ENAH: variants seen among roughly 807,000 people sequenced by gnomAD.
ENAH encodes the protein protein enabled homolog.
A neutral mutation model predicts 78.7 loss-of-function variants in ENAH; 23 were observed. The ratio of observed to expected loss-of-function variants is 0.29; its 90% confidence interval spans 0.21 to 0.41. The LOEUF is 0.41. Ranked by LOEUF, ENAH falls within the 10% of genes least tolerant of loss-of-function variation. ENAH has a pLI of 1.00. For missense variants in ENAH, 544 were observed against 691.0 expected (o/e 0.79, Z 2.39); for synonymous variants, 226 against 241.0 (o/e 0.94, Z 0.58).
rs1397640265 is a variant in ENAH, at chr1:225,583,703, G to C, written c.6-16289C>G. Among the ~76,000 whole-genome samples, 5 of 151,762 alleles carry C rather than the reference G, an allele frequency of 3.3e-5. No homozygotes were observed. In the East Asian group the frequency reaches 9.7e-4, roughly 29 times the overall value. ...CATGCCTGTAATCTGAGCTACCTGG[G>C]AGGCTAAGTCAGGAGAATCACTTGT... On this transcript the variant is annotated intron_variant, in intron 1 of 13. Coordinates refer to ENST00000366843, the MANE Select transcript of ENAH (RefSeq NM_018212.6).
chr1:225,613,527 CAT>C (rs2097003891), intron 1 of ENAH, among the ~76,000 whole-genome samples: 1 of 152,062 alleles, frequency 6.6e-6, no homozygotes, highest in African/African-American at 2.4e-5. Flanking sequence ...GTAATAAGCA[CAT>C]ATTTTATTTT....
intron 3 of ENAH, among the ~76,000 whole-genome samples, chr1:225,531,670 T>C (rs957854812): frequency 1.3e-5 from 2 of 152,076 alleles, no homozygotes; most frequent in African/African-American, 2.4e-5. Context: ...GTAGACAACT[T>C]AGGAAAATAA....
At position 225,494,568 on chromosome 1, in the gene ENAH, G is replaced by C. The variant is rs1281527470; in HGVS notation, c.*3207C>G. Reference sequence around the variant, plus strand: ...GTTACTGTGTCAAGGTGGGCAGAGAGAAAATAAGAAGAGGGAACACCCAAC... The same window carrying C: ...GTTACTGTGTCAAGGTGGGCAGAGACAAAATAAGAAGAGGGAACACCCAAC... On this transcript the variant is annotated 3_prime_UTR_variant, in exon 14 of 14. Transcript: ENST00000366843. The C allele has an allele frequency of 6.6e-6, 1 of 152,056 alleles. No homozygotes were observed. Among genetic ancestry groups the C allele is most frequent in the Non-Finnish European group, 1.5e-5 (1 of 67,976 alleles). 9.4% of individuals were successfully genotyped at this position (152,056 alleles called of 1,614,324 possible). A position where few individuals can be genotyped will look rare whatever the true frequency, so the allele number is the denominator to read the frequency against.
chr1:225,613,423 C>G (rs2148150750), intron 1 of ENAH, among the ~76,000 whole-genome samples: 1 of 152,324 alleles, frequency 6.6e-6, no homozygotes, highest in Non-Finnish European at 1.5e-5. Flanking sequence ...GGGCAGAGAA[C>G]AGTGCCTGGT....
chr1:225,560,100 A>C (rs1431841029), intron 2 of ENAH, among the ~76,000 whole-genome samples: 1 of 152,106 alleles, frequency 6.6e-6, no homozygotes, highest in Non-Finnish European at 1.5e-5. Flanking sequence ...CACTACCAGG[A>C]CATCCCCATT....
intron 1 of ENAH, among the ~76,000 whole-genome samples, chr1:225,573,798 A>G (rs927571963): frequency 1.3e-5 from 2 of 152,254 alleles, no homozygotes; most frequent in Non-Finnish European, 1.5e-5. Context: ...TATGCTGTAA[A>G]GTATTAAAAT....
chr1:225,521,474 C>G (rs1051564671), intron 4 of ENAH, among the ~76,000 whole-genome samples: 1 of 151,844 alleles, frequency 6.6e-6, no homozygotes, highest in Non-Finnish European at 1.5e-5. Flanking sequence ...AACCCTGTCT[C>G]TACTAAAATT....
intron 1 of ENAH, among the ~76,000 whole-genome samples, chr1:225,621,543 C>T (rs1334189258): frequency 1.3e-5 from 2 of 151,810 alleles, no homozygotes; most frequent in Non-Finnish European, 2.9e-5. Flanking sequence ...CCGCCCGCCT[C>T]GGCCTCCCAA....
rs1294115696 is a variant in ENAH, at chr1:225,621,743, T to C, written c.5+30943A>G. ...CCTGCTACATGGACCTCTAACTGAATAAATCCCAAGCAGTCACTCCTAAAT... is the reference window on the plus strand; with the variant it reads ...CCTGCTACATGGACCTCTAACTGAACAAATCCCAAGCAGTCACTCCTAAAT... On this transcript the variant is annotated intron_variant, in intron 1 of 13. Transcript: ENST00000366843. 2.6e-5 allele frequency among the ~76,000 whole-genome samples: 4 copies of C among 152,258 alleles called. No homozygotes were observed. The East Asian group carries it at 7.7e-4, about 29-fold the overall frequency.
intron 3 of ENAH, among the ~76,000 whole-genome samples, chr1:225,551,796 G>C (rs1558799962): frequency 6.6e-6 from 1 of 152,106 alleles, no homozygotes; most frequent in African/African-American, 2.4e-5. Flanking sequence ...TTAAGAAACA[G>C]GCAAGACTAA....
chr1:225,562,841 CT>C (rs1200495717), intron 2 of ENAH, among the ~76,000 whole-genome samples: 30 of 151,708 alleles, frequency 2.0e-4, no homozygotes, highest in Non-Finnish European at 3.4e-4. Flanking sequence ...GCCACAGTGG[CT>C]CATGCCTATA....
intron 1 of ENAH, among the ~76,000 whole-genome samples, chr1:225,626,877 T>C (rs1018533649): frequency 6.6e-6 from 1 of 152,232 alleles, no homozygotes; most frequent in Admixed American, 6.5e-5. Flanking sequence ...GTGGACAAGT[T>C]GTATCACCAT....
In ENAH at chr1:225,652,751, G is replaced by C. The variant is rs976401801; in HGVS notation, c.-61C>G. ...GAGACGCAGAAGGCGCCGAGCCGAG[G>C]GGGGGGTCTCTCCTCCAGGGGTGGG... On this transcript the variant is annotated 5_prime_UTR_variant, in exon 1 of 14. Coordinates refer to ENST00000366843, the MANE Select transcript of ENAH (RefSeq NM_018212.6). 9 of 1,293,406 alleles carry C rather than the reference G, an allele frequency of 7.0e-6. No homozygotes were observed. The highest frequency in any genetic ancestry group is 1.6e-5 in the African/African-American group (1 of 63,414). The allele number at this position is 1,293,406 out of a possible 1,614,324, so 80.1% of individuals were successfully genotyped here.
chr1:225,563,474 TGATGA>T (rs2096719023), intron 2 of ENAH, among the ~76,000 whole-genome samples: 1 of 152,224 alleles, frequency 6.6e-6, no homozygotes, highest in Admixed American at 6.5e-5. Flanking sequence ...ATGCCTAATG[TGATGA>T]GAACTGTTAT....
intron 1 of ENAH, among the ~76,000 whole-genome samples, chr1:225,613,578 A>C (rs998066492): frequency 6.6e-6 from 1 of 152,246 alleles, no homozygotes; most frequent in African/African-American, 2.4e-5. Flanking sequence ...TCAACAAACA[A>C]CACTTATTGA....
intron 1 of ENAH, among the ~76,000 whole-genome samples, chr1:225,643,407 A>AACACC (rs1243255278): frequency 6.6e-6 from 1 of 152,172 alleles, no homozygotes; most frequent in Non-Finnish European, 1.5e-5. Flanking sequence ...TAAAAAAAAA[A>AACACC]ACAAAACACA....
At chr1:225,585,144 A>C (rs908021682) in intron 1 of ENAH, among the ~76,000 whole-genome samples, 2 of 136,118 alleles carry the variant, frequency 1.5e-5, no homozygotes, top group Admixed American at 8.3e-5. Flanking sequence ...TGAGCCTGAG[A>C]GGCAGAGGTT....
chr1:225,555,589 A>T (rs2096662681), intron 2 of ENAH, among the ~76,000 whole-genome samples: 2 of 152,118 alleles, frequency 1.3e-5, no homozygotes, highest in Admixed American at 6.5e-5. Flanking sequence ...CTCAAAAAAA[A>T]AAAAAGTAAA....
At chr1:225,571,338 A>G (rs1199144275) in intron 1 of ENAH, among the ~76,000 whole-genome samples, 1 of 151,244 alleles carries the variant, frequency 6.6e-6, no homozygotes, top group Non-Finnish European at 1.5e-5. Context: ...ATGCCACTAC[A>G]CTCCAGCCTG....
Sources: gnomAD v4.1 joint callset for allele counts (sites outside exome capture counted in the v4.1 genomes callset) on GRCh38, gnomAD v4.1.1 for gene constraint, MANE v1.5 for transcripts, NCBI Gene and HGNC (gene_info 2026-07-23, HGNC 2026-07-21) for gene names.